Variants in INPP5J observed in about 807,000 individuals in gnomAD.
INPP5J encodes the protein inositol polyphosphate-5-phosphatase J, also known as phosphatidylinositol 4,5-bisphosphate 5-phosphatase A.
INPP5J carries 75 observed loss-of-function variants against 86.6 expected under a neutral mutation model. The observed-to-expected ratio is 0.87, with a 90% CI of 0.72 to 1.05. INPP5J has a LOEUF of 1.05. Ranked by LOEUF, INPP5J falls within the 50% of genes least tolerant of loss-of-function variation. INPP5J has a pLI of 0.00. For missense variants in INPP5J, 1,229 were observed against 1,341.2 expected, an observed-to-expected ratio of 0.92 and a Z score of 1.31; for synonymous variants, 540 against 550.0, an observed-to-expected ratio of 0.98 and a Z score of 0.25.
chr22:31,133,362 CATT>C, intron 10 of INPP5J, 41 bp from the exon 11 acceptor site: 1 of 1,605,786 alleles, frequency 6.2e-7, no homozygotes, highest in Non-Finnish European at 8.5e-7. Flanking sequence ...TGGGATCAGA[CATT>C]ATAGGGTCAC....
intron 1 of INPP5J, 116 bp from the exon 2 acceptor site, chr22:31,124,729 T>G: frequency 1.1e-6 from 1 of 889,562 alleles, no homozygotes; most frequent in Non-Finnish European, 1.7e-6. Flanking sequence ...TAGGAAGAAC[T>G]TCCTTGGAAA....
At chr22:31,133,821 G>A (rs1922322565) in intron 12 of INPP5J, 92 bp from the exon 13 acceptor site, 4 of 1,596,532 alleles carry the variant, frequency 2.5e-6, no homozygotes, top group Non-Finnish European at 3.4e-6. Flanking sequence ...GACCTCCCAA[G>A]ATCTGCCAAC....
rs532482050 is a variant in INPP5J at position 31,128,863 on chromosome 22, A to T, written c.2193+209A>T. The stretch of plus-strand genomic sequence containing the variant: ...GGCATCACCTGCCCAGGGTCACCCA[A>T]CTAGTAAGAGGAACAGTTAGGATTT... On this transcript the variant is annotated intron_variant, in intron 9 of 12. Coordinates refer to ENST00000331075, the MANE Select transcript of INPP5J (RefSeq NM_001284285.2). Among the ~76,000 whole-genome samples the T allele has an allele frequency of 1.2e-3, 180 of 151,954 alleles. 1 individual carries two copies. The highest frequency in any genetic ancestry group is 0.01 in the Middle Eastern group (3 of 292).
chr22:31,126,050 GCTCTGA>G (rs1921382650), intron 2 of INPP5J, 40 bp downstream of exon 2: 3 of 1,493,644 alleles, frequency 2.0e-6, no homozygotes, highest in Non-Finnish European at 2.7e-6. Flanking sequence ...CTGGGGCTTA[GCTCTGA>G]GGTTAGCCAT....
rs750023255 is a variant in INPP5J at position 31,134,369 on chromosome 22, C to G, written c.2971C>G (p.Pro991Ala). 17 of 1,517,854 alleles carry G rather than the reference C, an allele frequency of 1.1e-5. No individual in the cohort carries two copies. The highest frequency in any genetic ancestry group is 1.4e-5 in the Non-Finnish European group (16 of 1,132,232). The allele number at this position is 1,517,854 out of a possible 1,614,324, so 94.0% of individuals were successfully genotyped here. The change falls in exon 13 of 13, where the codon CCT becomes GCT. Residue 991 changes from proline to alanine, a missense_variant. By Grantham distance (27) the Pro-to-Ala change is conservative. Coordinates refer to ENST00000331075, the MANE Select transcript of INPP5J (RefSeq NM_001284285.2). ...REALAPNSLS[P>A]SPQGHRGLEE... ...GGCCCTGGCGCCCAACAGCCTGTCT[C>G]CTAGTCCCCAGGGCCATCGGGGGCT...
In INPP5J at chr22:31,124,918, C is replaced by T. The variant is rs753441400; in HGVS notation, c.179C>T (p.Ala60Val). ...CCCTCGGAACCAAGGTTGGCTCTGG[C>T]ACCTGTAGGGCCACGGGCAGCTATG... is the stretch of plus-strand genomic sequence containing the variant. ...LGPSEPRLAL[A>V]PVGPRAAMSA... Residue 60 changes from alanine (A) to valine (V), a missense_variant, in exon 2 of 13, where the codon GCA (alanine) becomes GTA (valine). Transcript: ENST00000331075. 6 of 1,613,842 alleles carry T rather than the reference C, an allele frequency of 3.7e-6. No homozygotes were observed. The highest frequency in any genetic ancestry group is 1.1e-5 in the South Asian group (1 of 91,068).
At chr22:31,129,460 G>A (rs182682725) in intron 9 of INPP5J, among the ~76,000 whole-genome samples, 145 of 147,280 alleles carry the variant, frequency 9.8e-4, no homozygotes, top group Admixed American at 4.0e-3. Flanking sequence ...GGCTGGTCTT[G>A]AACTGCTGAC....
chr22:31,130,832 T>C (rs1922003227), intron 9 of INPP5J, among the ~76,000 whole-genome samples: 1 of 152,132 alleles, frequency 6.6e-6, no homozygotes, highest in Admixed American at 6.6e-5. Flanking sequence ...AAATGGGAAA[T>C]CCTAGAATCT....
chr22:31,127,367 G>T lies in INPP5J; in HGVS notation c.1622G>T (p.Gly541Val). ...TGLGGYWGNK[G>V]GVSVRLAAFG... ...ACCCTGCCTCCCTAGGGTAACAAGG[G>T]TGGCGTGAGCGTGCGCCTGGCGGCC... The change falls in exon 6 of 13, where the codon GGT (glycine) becomes GTT (valine). Residue 541 changes from glycine to valine, a missense_variant. Physicochemically the swap from Gly to Val is moderately radical, Grantham distance 109 (BLOSUM62 -3). Coordinates refer to ENST00000331075, the MANE Select transcript of INPP5J (RefSeq NM_001284285.2). 6.2e-7 allele frequency: 1 copy of T among 1,610,888 alleles called. No individual in the cohort carries two copies. The highest frequency in any genetic ancestry group is 1.1e-5 in the South Asian group (1 of 90,432).
Position 31,134,555 on chromosome 22 carries a change from G to A in INPP5J, c.*136G>A, listed in dbSNP as rs1047063532. The A allele has an allele frequency of 2.0e-5, 19 of 933,992 alleles. No homozygotes were observed. Among genetic ancestry groups the A allele is most frequent in the African/African-American group, 6.7e-5 (4 of 59,638 alleles). The allele number at this position is 933,992 out of a possible 1,614,324, so 57.9% of individuals were successfully genotyped here. ...GTCCTGGCCAGGGGTGGACAACTGGGGTCCCCCAAAACTCAGTCCTGGCAC... is the reference window on the plus strand; with the variant it reads ...GTCCTGGCCAGGGGTGGACAACTGGAGTCCCCCAAAACTCAGTCCTGGCAC... On this transcript the variant is annotated 3_prime_UTR_variant, in exon 13 of 13. Transcript: ENST00000331075.
In INPP5J at chr22:31,128,058, A is replaced by ACC; in HGVS notation, c.1896_1897dup (p.Gln633ProfsTer13). ...CAGCTCCATCAGCTCTGGGAGAAGG[A>ACC]CCAGGTGGGGTCCTTGTCCCCAGAA... On this transcript the variant is annotated frameshift_variant, in exon 7 of 13. Transcript: ENST00000331075. LOFTEE classifies it high-confidence loss of function. 6.2e-7 allele frequency: 1 copy of ACC among 1,608,474 alleles called. No individual in the cohort carries two copies. Among genetic ancestry groups the ACC allele is most frequent in the Non-Finnish European group, 8.5e-7 (1 of 1,175,016 alleles).
At chr22:31,123,634 A>G (rs1441767650) in intron 1 of INPP5J, among the ~76,000 whole-genome samples, 1 of 152,146 alleles carries the variant, frequency 6.6e-6, no homozygotes, top group Non-Finnish European at 1.5e-5. Flanking sequence ...CTGAACTGAG[A>G]AGGATACGGG....
Position 31,126,679 on chromosome 22 carries a change from T to C in INPP5J, c.1452T>C (p.Ser484=). 6.2e-7 allele frequency: 1 copy of C among 1,613,248 alleles called. No individual in the cohort carries two copies. The highest frequency in any genetic ancestry group is 8.5e-7 in the Non-Finnish European group (1 of 1,179,566). Residue 484 remains serine (S), a synonymous_variant, in exon 4 of 13, where the codon AGT becomes AGC. Coordinates refer to ENST00000331075, the MANE Select transcript of INPP5J (RefSeq NM_001284285.2). The part of the protein sequence containing the change: ...LKDALFTDQW[S]ELFMDALGPF... ...ACGCCCTCTTCACGGACCAGTGGAGTGAGCTGTTCATGGATGCGCTAGGGC... is the reference window on the plus strand; with the variant it reads ...ACGCCCTCTTCACGGACCAGTGGAGCGAGCTGTTCATGGATGCGCTAGGGC...
intron 9 of INPP5J, among the ~76,000 whole-genome samples, chr22:31,129,060 G>A (rs1921801163): frequency 6.7e-6 from 1 of 149,080 alleles, no homozygotes; most frequent in Non-Finnish European, 1.5e-5. Context: ...AGCCTCCTGA[G>A]TAGCTGGGAT....
intron 1 of INPP5J, chr22:31,124,186 C>T (rs1692603859): frequency 1.1e-6 from 1 of 887,156 alleles, no homozygotes; most frequent in South Asian, 5.2e-5. Context: ...TGCCTAAGGT[C>T]ACACAGAGCT....
intron 1 of INPP5J, chr22:31,124,175 T>C: frequency 1.3e-6 from 1 of 785,146 alleles, no homozygotes; most frequent in Non-Finnish European, 1.5e-6. Flanking sequence ...AGAGAGGTAC[T>C]TGCCTAAGGT....
At chr22:31,126,299 C>A in intron 2 of INPP5J, 77 bp from the exon 3 acceptor site, 1 of 1,247,614 alleles carries the variant, frequency 8.0e-7, no homozygotes, top group Non-Finnish European at 1.1e-6. Flanking sequence ...TTTAGTTCCC[C>A]AGGGAGTCCT....
Position 31,128,606 on chromosome 22 carries a change from A to C in INPP5J, c.2145A>C (p.Glu715Asp), listed in dbSNP as rs1921745722. ...VTQHSYRSHM[E>D]YTVSDHKPVA... ...AGCACAGCTACCGCAGCCACATGGA[A>C]TACACAGTCAGCGACCACAAGCCTG... Residue 715 changes from glutamate to aspartate, a missense_variant, in exon 9 of 13, where the codon GAA (glutamate) becomes GAC (aspartate). Physicochemically the swap from Glu to Asp is conservative, Grantham distance 45. Transcript: ENST00000331075. The C allele has an allele frequency of 1.2e-6, 2 of 1,610,850 alleles. No homozygotes were observed. The highest frequency in any genetic ancestry group is 1.7e-6 in the Non-Finnish European group (2 of 1,178,608).
In INPP5J at chr22:31,133,733, T is replaced by C; in HGVS notation, c.2514+19T>C. 2.5e-6 allele frequency: 4 copies of C among 1,600,252 alleles called. No homozygotes were observed. Among genetic ancestry groups the C allele is most frequent in the Non-Finnish European group, 3.4e-6 (4 of 1,169,618 alleles). On this transcript the variant is annotated intron_variant, in intron 12 of 12. Transcript: ENST00000331075. ...CTTCCAGGTAAGTAGGCCAGACTGC[T>C]GGGCTGGGGGTGCCTAAAGACTTTT... is the stretch of plus-strand genomic sequence containing the variant.
Sources: gnomAD v4.1 joint callset for allele counts (sites outside exome capture counted in the v4.1 genomes callset) on GRCh38, gnomAD v4.1.1 for gene constraint, MANE v1.5 for transcripts, NCBI Gene and HGNC (gene_info 2026-07-23, HGNC 2026-07-21) for gene names.